Variants in TG observed in about 807,000 individuals in gnomAD.
The protein encoded by TG is thyroid hormones.
In TG, 270 loss-of-function variants were observed where a neutral mutation model predicts 324.7. The ratio of observed to expected loss-of-function variants is 0.83; its 90% CI spans 0.75 to 0.92. The LOEUF (loss-of-function observed/expected upper bound fraction) is 0.92, where lower values mean the gene tolerates loss of function less well. TG is among the 40% of genes least tolerant of loss of function. TG has a pLI of 0.00. For missense variants in TG, 3,591 were observed against 3,456.4 expected (o/e 1.04, Z -0.98); for synonymous variants, 1,401 against 1,327.0 (o/e 1.06, Z -1.21).
intron 41 of TG, among the ~76,000 whole-genome samples, chr8:133,057,907 G>T (rs1166950360): frequency 1.3e-5 from 2 of 152,184 alleles, no homozygotes; most frequent in Non-Finnish European, 2.9e-5. Flanking sequence ...CTGGCCTCTG[G>T]GTGATCCTTG....
At chr8:133,012,585 A>G (rs1309285761) in intron 36 of TG, among the ~76,000 whole-genome samples, 2 of 152,256 alleles carry the variant, frequency 1.3e-5, no homozygotes, top group African/African-American at 4.8e-5. Context: ...ATGTTCTACA[A>G]AGAATTTTAG....
rs761470411 is a variant in TG, at chr8:132,888,433, C to A, written c.2626C>A (p.Leu876Ile). 1 of 1,612,972 alleles carries A rather than the reference C, an allele frequency of 6.2e-7. No individual in the cohort carries two copies. ...CTTCTGGCAGATCTTAAATGGCCAACTCAGCCAATACCCGGGGTCCTACTC... is the reference window on the plus strand; with the variant it reads ...CTTCTGGCAGATCTTAAATGGCCAAATCAGCCAATACCCGGGGTCCTACTC... ...YLFWQILNGQ[L>I]SQYPGSYSDF... The change falls in exon 10 of 48, where the codon CTC becomes ATC. Residue 876 changes from leucine to isoleucine, a missense_variant. Physicochemically the swap from Leu to Ile is conservative, Grantham distance 5. Coordinates refer to ENST00000220616, the MANE Select transcript of TG (RefSeq NM_003235.5).
chr8:133,129,446 T>C (rs931470494), intron 45 of TG, among the ~76,000 whole-genome samples: 8 of 152,202 alleles, frequency 5.3e-5, no homozygotes, highest in African/African-American at 1.7e-4. Context: ...ACTGTAAAAA[T>C]TGGCAAGTAT....
At chr8:132,913,731 G>C (rs546570720) in intron 20 of TG, among the ~76,000 whole-genome samples, 55 of 152,288 alleles carry the variant, frequency 3.6e-4, no homozygotes, top group African/African-American at 1.0e-3. Flanking sequence ...TTTTTAATGG[G>C]AAAGTGATGC....
At chr8:133,081,413 C>T (rs887872374) in intron 41 of TG, among the ~76,000 whole-genome samples, 9 of 152,228 alleles carry the variant, frequency 5.9e-5, no homozygotes, top group Non-Finnish European at 5.9e-5. Context: ...GGGGGGAGAG[C>T]AGACCCTATT....
At chr8:132,959,791 G>A (rs1269108643) in intron 27 of TG, among the ~76,000 whole-genome samples, 1 of 152,138 alleles carries the variant, frequency 6.6e-6, no homozygotes, top group East Asian at 1.9e-4. Flanking sequence ...GTTTTAAATT[G>A]GGTAATATAA....
intron 29 of TG, 111 bp from the exon 30 acceptor site, chr8:132,966,449 T>C (rs1276757363): frequency 5.4e-6 from 7 of 1,289,768 alleles, no homozygotes; most frequent in African/African-American, 1.8e-5. Context: ...TGACACTTTC[T>C]CTCTCTGTCT....
At chr8:132,967,717 C>T (rs929264474) in intron 30 of TG, 77 bp from the exon 31 acceptor site, 41 of 1,525,372 alleles carry the variant, frequency 2.7e-5, no homozygotes, top group Non-Finnish European at 3.4e-5. Context: ...CATTTCCCCA[C>T]CCAGAGAATC....
intron 35 of TG, among the ~76,000 whole-genome samples, chr8:132,996,852 A>G (rs1209096306): frequency 6.6e-6 from 1 of 152,172 alleles, no homozygotes; most frequent in Non-Finnish European, 1.5e-5. Context: ...TGCTGTTCAC[A>G]CTAATAATGT....
intron 41 of TG, among the ~76,000 whole-genome samples, chr8:133,040,737 A>G (rs1218891892): frequency 1.3e-5 from 2 of 152,126 alleles, no homozygotes; most frequent in Non-Finnish European, 2.9e-5. Flanking sequence ...CAAAAGTGAG[A>G]GGGAGAAGGA....
rs775855423 is a variant in TG at position 133,017,794 on chromosome 8, C to T, written c.6579C>T (p.Ser2193=). 1.2e-6 allele frequency: 2 copies of T among 1,614,230 alleles called. No homozygotes were observed. Among genetic ancestry groups the T allele is most frequent in the Non-Finnish European group, 1.7e-6 (2 of 1,180,044 alleles). ...TCCCAACAGGAATCTCTCTGCTCAG[C>T]TATGAGGCATCTGTACCTTCTGTGC... The part of the protein sequence containing the change: ...IYRKPGISLL[S]YEASVPSVPI... Residue 2193 remains serine (S), a synonymous_variant, in exon 38 of 48, where the codon AGC becomes AGT. Coordinates refer to ENST00000220616, the MANE Select transcript of TG (RefSeq NM_003235.5).
chr8:133,123,511 G>C (rs1851297403), intron 45 of TG, among the ~76,000 whole-genome samples: 2 of 152,132 alleles, frequency 1.3e-5, no homozygotes, highest in South Asian at 4.1e-4. Context: ...GGCACCACCT[G>C]CTTATTCTGC....
At chr8:133,058,346 G>A (rs1372896938) in intron 41 of TG, among the ~76,000 whole-genome samples, 1 of 152,122 alleles carries the variant, frequency 6.6e-6, no homozygotes, top group East Asian at 1.9e-4. Context: ...GTGGAGGGGT[G>A]GGGAGACCCC....
At chr8:133,094,982 C>T in intron 41 of TG, 62 bp from the exon 42 acceptor site, 1 of 1,608,522 alleles carries the variant, frequency 6.2e-7, no homozygotes, top group South Asian at 1.1e-5. Context: ...ACTGAGGACT[C>T]CAGGTGAGCA....
At chr8:132,964,767 G>C in intron 29 of TG, 1 of 628,322 alleles carries the variant, frequency 1.6e-6, no homozygotes, top group East Asian at 2.7e-5. Flanking sequence ...ACATTCACAG[G>C]CTAGTGAGAA....
chr8:133,010,818 G>T (rs1834439423), intron 35 of TG, among the ~76,000 whole-genome samples: 1 of 152,156 alleles, frequency 6.6e-6, no homozygotes, highest in African/African-American at 2.4e-5. Context: ...TGCTATGCCT[G>T]TGCTTCCCTC....
At chr8:132,993,637 A>G (rs961771884) in intron 35 of TG, among the ~76,000 whole-genome samples, 2 of 152,202 alleles carry the variant, frequency 1.3e-5, no homozygotes, top group African/African-American at 4.8e-5. Flanking sequence ...GTGCAGCTGT[A>G]CATAGTGAGC....
At chr8:132,944,654 G>C (rs892068614) in intron 26 of TG, among the ~76,000 whole-genome samples, 2 of 152,102 alleles carry the variant, frequency 1.3e-5, no homozygotes, top group Admixed American at 6.6e-5. Flanking sequence ...AGACACTTGT[G>C]CTCTACTCCC....
chr8:132,987,053 C>A (rs1421625644), intron 35 of TG, among the ~76,000 whole-genome samples: 1 of 151,848 alleles, frequency 6.6e-6, no homozygotes, highest in East Asian at 1.9e-4. Context: ...ATGTGAATTA[C>A]CTACAAAAGA....
Sources: gnomAD v4.1 joint callset for allele counts (sites outside exome capture counted in the v4.1 genomes callset) on GRCh38, gnomAD v4.1.1 for gene constraint, MANE v1.5 for transcripts, NCBI Gene and HGNC (gene_info 2026-07-23, HGNC 2026-07-21) for gene names.